ACTR3C: variants seen among roughly 807,000 people sequenced by gnomAD.
ACTR3C encodes actin related protein 3C.
A neutral mutation model predicts 26.3 loss-of-function variants in ACTR3C; 18 were observed. The ratio of observed to expected loss-of-function variants is 0.68; its 90% CI spans 0.47 to 1.01. The LOEUF (loss-of-function observed/expected upper bound fraction) is 1.01. Among genes scored for constraint, ACTR3C ranks in the 50% least tolerant of loss-of-function variants. The pLI is 0.00. For missense variants in ACTR3C, 184 were observed against 250.7 expected, an observed-to-expected ratio of 0.73 and a Z score of 1.80; for synonymous variants, 55 against 94.5, an observed-to-expected ratio of 0.58 and a Z score of 2.42.
the ACTR3C span, among the ~76,000 whole-genome samples, chr7:150,119,087 G>A: frequency 6.6e-6 from 1 of 152,146 alleles, no homozygotes; most frequent in Admixed American, 6.5e-5. Flanking sequence ...CCTCAAGGAA[G>A]CACTAAATAT....
the ACTR3C span, among the ~76,000 whole-genome samples, chr7:150,203,756 G>A: frequency 1.3e-5 from 2 of 151,962 alleles, no homozygotes; most frequent in East Asian, 1.9e-4. Flanking sequence ...TAGTAGAGAC[G>A]GGGTTTCACC....
At chr7:150,227,719 A>C in the ACTR3C span, among the ~76,000 whole-genome samples, 4 of 95,330 alleles carry the variant, frequency 4.2e-5, no homozygotes, top group South Asian at 9.7e-4. Context: ...TTTTTGGTAT[A>C]TGTATGTCCA....
At chr7:150,212,033 AAC>A in the ACTR3C span, among the ~76,000 whole-genome samples, 393 of 147,240 alleles carry the variant, frequency 2.7e-3, 24 homozygotes, top group South Asian at 0.08. Flanking sequence ...ACACTGAAAG[AAC>A]ACACACATTA....
the ACTR3C span, among the ~76,000 whole-genome samples, chr7:149,883,778 G>A: frequency 1.3e-5 from 2 of 152,184 alleles, no homozygotes; most frequent in Admixed American, 1.3e-4. Flanking sequence ...ATTTCATAGT[G>A]GCAATGAATG....
At chr7:150,136,663 C>T in the ACTR3C span, among the ~76,000 whole-genome samples, 1 of 136,618 alleles carries the variant, frequency 7.3e-6, no homozygotes, top group African/African-American at 3.6e-5. Flanking sequence ...GAGTGAGACT[C>T]CATCTCATAA....
chr7:150,286,340 G>C (rs1022804245), intron 5 of ACTR3C, 27 bp downstream of exon 5: 4 of 1,610,646 alleles, frequency 2.5e-6, no homozygotes, highest in African/African-American at 2.7e-5. Context: ...TCCCACACTT[G>C]AGCACACAAA....
intron 4 of ACTR3C, among the ~76,000 whole-genome samples, chr7:150,287,031 T>C (rs1584931799): frequency 6.6e-6 from 1 of 152,130 alleles, no homozygotes; most frequent in Non-Finnish European, 1.5e-5. Flanking sequence ...ACAAGCCGGG[T>C]GGCCACTGTC....
At chr7:149,974,517 T>C in the ACTR3C span, among the ~76,000 whole-genome samples, 157 of 152,218 alleles carry the variant, frequency 1.0e-3, no homozygotes, top group Non-Finnish European at 2.0e-3. Flanking sequence ...CGAAATTCTT[T>C]ACATTTCCAC....
At chr7:150,038,040 G>T in the ACTR3C span, among the ~76,000 whole-genome samples, 7 of 140,038 alleles carry the variant, frequency 5.0e-5, 2 homozygotes, top group Non-Finnish European at 9.5e-5. Flanking sequence ...CAAGAGCCAT[G>T]GGGGGAAGAG....
the ACTR3C span, among the ~76,000 whole-genome samples, chr7:149,933,731 C>T: frequency 3.9e-5 from 6 of 152,094 alleles, no homozygotes; most frequent in African/African-American, 1.4e-4. Flanking sequence ...ATGTCAAGTT[C>T]CATTCAACAC....
At chr7:150,256,576 A>G (rs1335899893) in intron 6 of ACTR3C, among the ~76,000 whole-genome samples, 1 of 152,216 alleles carries the variant, frequency 6.6e-6, no homozygotes, top group Non-Finnish European at 1.5e-5. Context: ...GGACACAAAG[A>G]TGGGACCAAT....
chr7:149,982,794 G>A, the ACTR3C span, among the ~76,000 whole-genome samples: 1 of 152,156 alleles, frequency 6.6e-6, no homozygotes, highest in Non-Finnish European at 1.5e-5. Flanking sequence ...AGATAAGAAA[G>A]TTTGGGTTGT....
chr7:150,002,311 AG>A, the ACTR3C span: 2 of 152,256 alleles, frequency 1.3e-5, no homozygotes. Context: ...CAGCACACAG[AG>A]CCTGAATCCT....
At chr7:149,947,022 C>T in the ACTR3C span, among the ~76,000 whole-genome samples, 317 of 151,546 alleles carry the variant, frequency 2.1e-3, no homozygotes, top group Middle Eastern at 3.4e-3. Flanking sequence ...CTGCCCATGC[C>T]GGGGGCGGTG....
the ACTR3C span, among the ~76,000 whole-genome samples, chr7:149,960,632 C>G: frequency 6.6e-6 from 1 of 152,114 alleles, no homozygotes; most frequent in Non-Finnish European, 1.5e-5. Context: ...CAATGACAGT[C>G]TTGGAGTCGA....
the ACTR3C span, among the ~76,000 whole-genome samples, chr7:149,887,826 G>T: frequency 6.6e-6 from 1 of 152,206 alleles, no homozygotes; most frequent in Non-Finnish European, 1.5e-5. Flanking sequence ...TCTTTCCCAT[G>T]CTATTCTTGT....
the ACTR3C span, among the ~76,000 whole-genome samples, chr7:150,016,477 C>T: frequency 6.6e-6 from 1 of 152,084 alleles, no homozygotes; most frequent in Non-Finnish European, 1.5e-5. Flanking sequence ...TCCCAGGTTC[C>T]ATGCAGACCT....
the ACTR3C span, among the ~76,000 whole-genome samples, chr7:150,035,601 G>A: frequency 2.6e-5 from 3 of 115,472 alleles, no homozygotes; most frequent in East Asian, 2.6e-4. Flanking sequence ...GTAATCCCAC[G>A]TAAGGTACCT....
chr7:149,968,628 T>A, the ACTR3C span, among the ~76,000 whole-genome samples: 1 of 152,250 alleles, frequency 6.6e-6, no homozygotes, highest in African/African-American at 2.4e-5. Context: ...GTGCTGGGAT[T>A]ACAGATGTGA....
Sources: gnomAD v4.1 joint callset for allele counts (sites outside exome capture counted in the v4.1 genomes callset) on GRCh38, gnomAD v4.1.1 for gene constraint, MANE v1.5 for transcripts, NCBI Gene and HGNC (gene_info 2026-07-23, HGNC 2026-07-21) for gene names.